The following CYP46A1 variants were observed in gnomAD, a reference collection of about 807,000 sequenced individuals.
The protein encoded by CYP46A1 is cytochrome P450 family 46 subfamily A member 1.
CYP46A1 carries 20 observed loss-of-function variants against 63.3 expected under a neutral mutation model. The observed-to-expected ratio is 0.32, with a 90% confidence interval of 0.22 to 0.46. The LOEUF is 0.46. Ranked by LOEUF, CYP46A1 falls within the 20% of genes least tolerant of loss-of-function variation. The pLI is 1.00. For synonymous variants in CYP46A1, 268 were observed against 273.6 expected (o/e 0.98, Z 0.20); for missense variants, 445 against 670.8 (o/e 0.66, Z 3.72).
chr14:99,691,457 CTT>C (rs1341340732), intron 2 of CYP46A1: 8 of 568,894 alleles, frequency 1.4e-5, no homozygotes, highest in Non-Finnish European at 2.2e-5. Flanking sequence ...TGGTGTGTCA[CTT>C]TTTTACATTT....
At chr14:99,724,093 TCTC>T (rs1248408593) in intron 12 of CYP46A1, among the ~76,000 whole-genome samples, 26 of 152,166 alleles carry the variant, frequency 1.7e-4, no homozygotes, top group African/African-American at 6.3e-4. Context: ...TGTGTCCTAA[TCTC>T]CTCTTATAAG....
At position 99,722,042 on chromosome 14, in the gene CYP46A1, A is replaced by G; in HGVS notation, c.1152A>G (p.Arg384=). The stretch of plus-strand genomic sequence containing the variant: ...AGGAGACCTTGATTGATGGGGTCAG[A>G]GTCCCCGGCAACACCCCGCTCTTGG... ...LEEETLIDGV[R]VPGNTPLLFS... Residue 384 remains arginine (R), a synonymous_variant, in exon 12 of 15, where the codon AGA becomes AGG. Transcript: ENST00000261835. The surrounding 1 kb of genome is among the most constrained non-coding windows in gnomAD (Gnocchi z 4.6). 1 of 1,612,886 alleles carries G rather than the reference A, an allele frequency of 6.2e-7. No individual in the cohort carries two copies. The highest frequency in any genetic ancestry group is 8.5e-7 in the Non-Finnish European group (1 of 1,179,734).
chr14:99,684,713 A>G (rs2056475406), intron 1 of CYP46A1, 177 bp downstream of exon 1: 2 of 665,004 alleles, frequency 3.0e-6, no homozygotes, highest in African/African-American at 1.8e-5. Flanking sequence ...TCACAGCCGC[A>G]GCAGCTGCTG....
intron 12 of CYP46A1, among the ~76,000 whole-genome samples, chr14:99,724,639 A>G (rs11847982): frequency 0.012 from 1,830 of 152,180 alleles, 35 homozygotes; most frequent in African/African-American, 0.042. Context: ...AGTGGTGAGC[A>G]TCAGTAGGAT....
In CYP46A1 at chr14:99,718,124, A is replaced by G. The variant is rs372949820; in HGVS notation, c.978A>G (p.Ala326=). The change falls in exon 10 of 15, where the codon GCA becomes GCG. Residue 326 remains alanine (A), a splice_region_variant and synonymous_variant. Transcript: ENST00000261835. ...TGTCTCGCCAGCCAGAGATCGTGGC[A>G]AGGTATGGGGGCTGCTCTTGGGGCT... is the stretch of plus-strand genomic sequence containing the variant. ...MELSRQPEIV[A]RLQAEVDEVI... is the part of the protein sequence containing the mutation. 6.8e-6 allele frequency: 11 copies of G among 1,613,860 alleles called. No homozygotes were observed. The Admixed American group carries it at 8.3e-5, about 12-fold the overall frequency.
intron 1 of CYP46A1, among the ~76,000 whole-genome samples, chr14:99,690,472 G>A (rs1460232894): frequency 6.6e-6 from 1 of 152,162 alleles, no homozygotes; most frequent in African/African-American, 2.4e-5. Context: ...GCTGCATTGA[G>A]CTTGGTAGGA....
chr14:99,690,740 G>T (rs2056536193), intron 1 of CYP46A1, among the ~76,000 whole-genome samples: 1 of 152,160 alleles, frequency 6.6e-6, no homozygotes, highest in African/African-American at 2.4e-5. Flanking sequence ...GAGGGGTGAA[G>T]CCTAGCGTGG....
rs2056907437 is a variant in CYP46A1 at position 99,726,844 on chromosome 14, G to A, written c.*117G>A. 6.9e-6 allele frequency: 6 copies of A among 865,830 alleles called. No homozygotes were observed. The highest frequency in any genetic ancestry group is 2.4e-5 in the South Asian group (1 of 42,076). 53.6% of individuals were successfully genotyped at this position (865,830 alleles called of 1,614,324 possible). Reference sequence around the variant, plus strand: ...GTCCCCTGGGCCACCCTTCACGCTGGCTTCCAGCGGGCCCTCTGCCGACCG... The same window carrying A: ...GTCCCCTGGGCCACCCTTCACGCTGACTTCCAGCGGGCCCTCTGCCGACCG... On this transcript the variant is annotated 3_prime_UTR_variant, in exon 15 of 15. Coordinates refer to ENST00000261835, the MANE Select transcript of CYP46A1 (RefSeq NM_006668.2).
At chr14:99,706,536 G>C (rs1465394489) in intron 5 of CYP46A1, 111 bp from the exon 6 acceptor site, 2 of 1,446,172 alleles carry the variant, frequency 1.4e-6, no homozygotes, top group African/African-American at 2.8e-5. Flanking sequence ...GACTGGGAGG[G>C]ACCACCCACC....
At chr14:99,711,287 A>G (rs1426840061) in intron 7 of CYP46A1, 1 of 152,116 alleles carries the variant, frequency 6.6e-6, no homozygotes, top group African/African-American at 2.4e-5. Context: ...AAATTAGTAG[A>G]AGGAAATAAA....
intron 6 of CYP46A1, 41 bp from the exon 7 acceptor site, chr14:99,707,527 T>C: frequency 6.4e-7 from 1 of 1,565,302 alleles, no homozygotes; most frequent in Non-Finnish European, 8.8e-7. Context: ...CTGCTGCCCT[T>C]CTGTGCCCCA....
In CYP46A1 at chr14:99,722,668, T is replaced by TGTGTGTGG. The variant is rs1417818888; in HGVS notation, c.1176+609_1176+610insGGTGTGTG. Among the ~76,000 whole-genome samples, 2 of 151,924 alleles carry TGTGTGTGG rather than the reference T, an allele frequency of 1.3e-5. No homozygotes were observed. The highest frequency in any genetic ancestry group is 2.9e-5 in the Non-Finnish European group (2 of 67,986). On this transcript the variant is annotated intron_variant, in intron 12 of 14. Coordinates refer to ENST00000261835, the MANE Select transcript of CYP46A1 (RefSeq NM_006668.2). The surrounding 1 kb of genome is among the most constrained non-coding windows in gnomAD (Gnocchi z 4.6). The stretch of plus-strand genomic sequence containing the variant: ...CCGTGTGTGTGTGTGTGTGTGTGTG[T>TGTGTGTGG]GTGTGTGTGTGCCTGTGTGCATTCA...
Position 99,684,445 on chromosome 14 carries a change from A to G in CYP46A1, c.28A>G (p.Ser10Gly). 3 of 1,469,904 alleles carry G rather than the reference A, an allele frequency of 2.0e-6. No homozygotes were observed. The highest frequency in any genetic ancestry group is 3.0e-5 in the East Asian group (1 of 33,190). 91.1% of individuals were successfully genotyped at this position (1,469,904 alleles called of 1,614,324 possible). A position where few individuals can be genotyped will look rare whatever the true frequency, so the allele number is the denominator to read the frequency against. Reference protein sequence around the residue: MSPGLLLLGSAVLLAFGLCC... With the variant: MSPGLLLLGGAVLLAFGLCC... ...GAGCCCCGGGCTGCTGCTGCTCGGC[A>G]GCGCCGTCCTGCTCGCCTTCGGCCT... The change falls in exon 1 of 15, where the codon AGC becomes GGC. Residue 10 changes from serine to glycine, a missense_variant. Ser to Gly is a moderately conservative substitution (Grantham distance 56). Coordinates refer to ENST00000261835, the MANE Select transcript of CYP46A1 (RefSeq NM_006668.2).
chr14:99,725,298 G>T lies in CYP46A1; in HGVS notation c.1177-93G>T. ...GGGGGAGGAGAGTGGGACCCACTCT[G>T]CTCTGAGTAGCCCTGTTGGGTGGCC... On this transcript the variant is annotated intron_variant, in intron 12 of 14. Transcript: ENST00000261835. This position sits in a 1 kb window ranked among gnomAD's most constrained non-coding sequence, Gnocchi z 4.2. The T allele has an allele frequency of 2.1e-6, 2 of 947,442 alleles. No homozygotes were observed. The highest frequency in any genetic ancestry group is 2.4e-5 in the East Asian group (1 of 41,696). The allele number at this position is 947,442 out of a possible 1,614,324, so 58.7% of individuals were successfully genotyped here. A position where few individuals can be genotyped will look rare whatever the true frequency, so the allele number is the denominator to read the frequency against.
chr14:99,724,710 C>T (rs1220191658), intron 12 of CYP46A1, among the ~76,000 whole-genome samples: 2 of 152,220 alleles, frequency 1.3e-5, no homozygotes, highest in Non-Finnish European at 2.9e-5. Flanking sequence ...AAACCCAGCC[C>T]CCACACCGGA....
At chr14:99,700,130 C>A in intron 5 of CYP46A1, 29 bp downstream of exon 5, 1 of 1,565,098 alleles carries the variant, frequency 6.4e-7, no homozygotes, top group South Asian at 1.1e-5. Flanking sequence ...TCCGTGGCTC[C>A]TGCCTGGCCA....
At chr14:99,716,229 C>T (rs781501454) in intron 9 of CYP46A1, 30 bp downstream of exon 9, 13 of 1,611,424 alleles carry the variant, frequency 8.1e-6, no homozygotes, top group East Asian at 2.2e-5. Context: ...GCCAAGGGCC[C>T]GGAGCTCTGC....
In CYP46A1 at chr14:99,697,660, T is replaced by C. The variant is rs942120402; in HGVS notation, c.283-1806T>C. On this transcript the variant is annotated intron_variant, in intron 3 of 14. Coordinates refer to ENST00000261835, the MANE Select transcript of CYP46A1 (RefSeq NM_006668.2). ...TGTTTATGGCACAAGGGCAAGTCCT[T>C]AGCAGTTTCTCCTTCCCGGGTGGAA... is the stretch of plus-strand genomic sequence containing the variant. Among the ~76,000 whole-genome samples the C allele has an allele frequency of 6.6e-5, 10 of 152,308 alleles. No individual in the cohort carries two copies. In the South Asian group the frequency reaches 8.3e-4, roughly 13 times the overall value.
At chr14:99,720,589 G>A (rs1157998148) in intron 10 of CYP46A1, among the ~76,000 whole-genome samples, 2 of 151,472 alleles carry the variant, frequency 1.3e-5, no homozygotes, top group Non-Finnish European at 2.9e-5. Flanking sequence ...CTCCCAAGTA[G>A]CTGGGATTAC....
Sources: allele counts gnomAD v4.1 joint callset (sites outside exome capture counted in the v4.1 genomes callset), GRCh38; gene constraint gnomAD v4.1.1; non-coding constraint Gnocchi (gnomAD v3.1); transcripts MANE v1.5; gene names NCBI Gene and HGNC (gene_info 2026-07-23, HGNC 2026-07-21).